The following ADK variants were observed in gnomAD, a reference collection of about 807,000 sequenced individuals.
ADK encodes the protein adenosine kinase, also known as N6,N6-dimethyladenosine kinase.
ADK carries 24 observed loss-of-function variants against 44.7 expected under a neutral mutation model. That is an observed-to-expected ratio of 0.54 (90% CI 0.39 to 0.76). ADK has a LOEUF of 0.76. Among genes scored for constraint, ADK ranks in the 30% least tolerant of loss-of-function variants. The probability of loss-of-function intolerance (pLI) is 0.00; values close to 1 mark genes in which losing one functional copy is unlikely to be tolerated. For missense variants in ADK, 321 were observed against 425.1 expected (o/e 0.76, Z 2.15); for synonymous variants, 128 against 142.6 (o/e 0.90, Z 0.73).
At chr10:74,499,141 T>G (rs1461545838) in intron 6 of ADK, among the ~76,000 whole-genome samples, 1 of 152,132 alleles carries the variant, frequency 6.6e-6, no homozygotes, top group Non-Finnish European at 1.5e-5. Context: ...AACCTCAAAC[T>G]CTGGGGCTCA....
chr10:74,519,755 T>C (rs12781289), intron 6 of ADK, among the ~76,000 whole-genome samples: 1 of 151,944 alleles, frequency 6.6e-6, no homozygotes, highest in Admixed American at 6.6e-5. Context: ...AATGTTATGG[T>C]TTATTTATCT....
At chr10:74,363,163 T>A (rs1842392292) in intron 4 of ADK, among the ~76,000 whole-genome samples, 1 of 152,178 alleles carries the variant, frequency 6.6e-6, no homozygotes. Flanking sequence ...GCCCCTTCAG[T>A]ATCTACTATG....
intron 3 of ADK, among the ~76,000 whole-genome samples, chr10:74,275,182 T>C (rs899873917): frequency 6.6e-6 from 1 of 152,130 alleles, no homozygotes; most frequent in Non-Finnish European, 1.5e-5. Context: ...CTTCTTCTCA[T>C]GTAGTCGACC....
At chr10:74,165,476 TAATTA>T (rs1842011069) in intron 1 of ADK, among the ~76,000 whole-genome samples, 2 of 151,780 alleles carry the variant, frequency 1.3e-5, no homozygotes, top group Non-Finnish European at 2.9e-5. Context: ...CTTTTTTTTT[TAATTA>T]AATTTAATTT....
chr10:74,513,617 G>A lies in ADK; in HGVS notation c.556-11639G>A, dbSNP rs188519792. Among the ~76,000 whole-genome samples, 352 of 152,196 alleles carry A rather than the reference G, an allele frequency of 2.3e-3. 2 individuals are homozygous for A. The highest frequency in any genetic ancestry group is 8.1e-3 in the African/African-American group (337 of 41,542). On this transcript the variant is annotated intron_variant, in intron 6 of 10. Transcript: ENST00000539909. Reference sequence around the variant, plus strand: ...TTCCATCCACTTCCAGTCTGTGTGTGTATACAGGTGATACAAGTTTCTTGT... The same window carrying A: ...TTCCATCCACTTCCAGTCTGTGTGTATATACAGGTGATACAAGTTTCTTGT...
At chr10:74,623,481 G>A (rs949797438) in intron 9 of ADK, among the ~76,000 whole-genome samples, 2 of 151,948 alleles carry the variant, frequency 1.3e-5, no homozygotes, top group South Asian at 2.1e-4. Flanking sequence ...GATCTAGTCC[G>A]TACTTGCTTA....
intron 3 of ADK, among the ~76,000 whole-genome samples, chr10:74,288,220 C>A (rs1441088722): frequency 6.6e-6 from 1 of 151,992 alleles, no homozygotes; most frequent in Non-Finnish European, 1.5e-5. Context: ...ATTCAATATT[C>A]AAATTGTTAC....
At chr10:74,346,891 A>G (rs1055028385) in intron 4 of ADK, among the ~76,000 whole-genome samples, 4 of 151,984 alleles carry the variant, frequency 2.6e-5, no homozygotes, top group African/African-American at 9.7e-5. Flanking sequence ...CAGGTGGATC[A>G]CGAGGTCAGG....
At chr10:74,525,747 C>G (rs1450998948) in intron 7 of ADK, among the ~76,000 whole-genome samples, 1 of 151,984 alleles carries the variant, frequency 6.6e-6, no homozygotes, top group Non-Finnish European at 1.5e-5. Flanking sequence ...CTCTCCTTCC[C>G]GGGTTCAAGC....
chr10:74,645,562 T>C (rs1467120249), intron 9 of ADK, among the ~76,000 whole-genome samples: 7 of 152,234 alleles, frequency 4.6e-5, no homozygotes, highest in Admixed American at 4.6e-4. Flanking sequence ...CTACCACTGT[T>C]TTGTGACCCC....
chr10:74,230,044 ATC>A (rs1228483169), intron 3 of ADK, among the ~76,000 whole-genome samples: 30 of 134,884 alleles, frequency 2.2e-4, no homozygotes, highest in Non-Finnish European at 4.5e-4. Flanking sequence ...TGTTAAAAGA[ATC>A]TTTTTTTTTT....
intron 8 of ADK, among the ~76,000 whole-genome samples, chr10:74,592,508 A>G (rs1292592786): frequency 1.3e-5 from 2 of 152,210 alleles, no homozygotes; most frequent in Non-Finnish European, 2.9e-5. Flanking sequence ...AGTAAATGAC[A>G]AATGATGAAG....
intron 8 of ADK, among the ~76,000 whole-genome samples, chr10:74,589,954 G>C (rs1851660240): frequency 6.6e-6 from 1 of 151,836 alleles, no homozygotes; most frequent in Non-Finnish European, 1.5e-5. Flanking sequence ...TAATTTCTAG[G>C]TCCTAATTCT....
chr10:74,377,047 T>C (rs1842840333), intron 4 of ADK, among the ~76,000 whole-genome samples: 1 of 152,210 alleles, frequency 6.6e-6, no homozygotes, highest in Non-Finnish European at 1.5e-5. Context: ...GATTAATCAA[T>C]ATGTTCAGGT....
intron 9 of ADK, among the ~76,000 whole-genome samples, chr10:74,640,574 C>A (rs917364884): frequency 3.3e-5 from 5 of 152,202 alleles, no homozygotes; most frequent in Non-Finnish European, 7.4e-5. Flanking sequence ...ATATATCTTT[C>A]AGTTCTAATA....
chr10:74,180,648 C>T (rs1246894541), intron 1 of ADK, among the ~76,000 whole-genome samples: 11 of 152,060 alleles, frequency 7.2e-5, no homozygotes, highest in South Asian at 6.2e-4. Flanking sequence ...TTAGTAGAGA[C>T]GGGGTTTCAC....
At chr10:74,541,796 C>CA (rs896957145) in intron 7 of ADK, among the ~76,000 whole-genome samples, 4 of 108,382 alleles carry the variant, frequency 3.7e-5, no homozygotes, top group Admixed American at 8.6e-5. Flanking sequence ...CCCCACACAC[C>CA]CCCCCCCCCT....
chr10:74,436,705 T>C (rs1184940920), intron 6 of ADK, among the ~76,000 whole-genome samples: 1 of 152,052 alleles, frequency 6.6e-6, no homozygotes, highest in Admixed American at 6.6e-5. Flanking sequence ...ACGTCAAAAG[T>C]GAAAAGTGGC....
intron 4 of ADK, among the ~76,000 whole-genome samples, chr10:74,338,676 A>T (rs1841489500): frequency 6.6e-6 from 1 of 152,244 alleles, no homozygotes; most frequent in Admixed American, 6.5e-5. Context: ...AAAGTGTTAC[A>T]TACTGTATGA....
Sources: gnomAD v4.1 joint callset for allele counts (sites outside exome capture counted in the v4.1 genomes callset) on GRCh38, gnomAD v4.1.1 for gene constraint, MANE v1.5 for transcripts, NCBI Gene and HGNC (gene_info 2026-07-23, HGNC 2026-07-21) for gene names.